PLCH1: variants seen among roughly 807,000 people sequenced by gnomAD.
PLCH1 encodes 1-phosphatidylinositol 4,5-bisphosphate phosphodiesterase eta-1.
PLCH1 carries 60 observed loss-of-function variants against 126.7 expected under a neutral mutation model. That is an observed-to-expected ratio of 0.47 (90% CI 0.38 to 0.59). The LOEUF (loss-of-function observed/expected upper bound fraction) is 0.59, where lower values mean the gene tolerates loss of function less well. Ranked by LOEUF, PLCH1 falls within the 20% of genes least tolerant of loss-of-function variation. The pLI is 0.00. For synonymous variants in PLCH1, 719 were observed against 734.9 expected, an observed-to-expected ratio of 0.98 and a Z score of 0.35; for missense variants, 1,723 against 2,040.0, an observed-to-expected ratio of 0.84 and a Z score of 2.99.
At chr3:155,554,261 A>T in intron 8 of PLCH1, 65 bp from the exon 9 acceptor site, 1 of 1,493,834 alleles carries the variant, frequency 6.7e-7, no homozygotes, top group Non-Finnish European at 9.2e-7. Flanking sequence ...ATTTCTGGAA[A>T]TACCAGACAC....
intron 21 of PLCH1, among the ~76,000 whole-genome samples, chr3:155,464,190 G>C (rs1712841909): frequency 6.6e-6 from 1 of 152,232 alleles, no homozygotes; most frequent in Admixed American, 6.5e-5. Context: ...CCTAGGGAAA[G>C]AGATCTTCCA....
intron 2 of PLCH1, among the ~76,000 whole-genome samples, chr3:155,643,598 G>A (rs1389248669): frequency 1.3e-5 from 2 of 152,090 alleles, no homozygotes; most frequent in Admixed American, 6.5e-5. Flanking sequence ...CCTTGATATC[G>A]TAACATAGTT....
At chr3:155,591,382 C>T (rs1186981826) in intron 4 of PLCH1, among the ~76,000 whole-genome samples, 1 of 152,122 alleles carries the variant, frequency 6.6e-6, no homozygotes, top group Non-Finnish European at 1.5e-5. Context: ...TCCTGGAGGT[C>T]CCCATAAACA....
chr3:155,606,452 C>A (rs1288136756), intron 2 of PLCH1, among the ~76,000 whole-genome samples: 1 of 152,180 alleles, frequency 6.6e-6, no homozygotes, highest in Non-Finnish European at 1.5e-5. Flanking sequence ...AATAACTCCA[C>A]ATTATGAGGA....
intron 1 of PLCH1, among the ~76,000 whole-genome samples, chr3:155,720,749 CT>C (rs1211730602): frequency 6.6e-6 from 1 of 151,978 alleles, no homozygotes; most frequent in Non-Finnish European, 1.5e-5. Flanking sequence ...ATTTATATTT[CT>C]TTTTGTTGCA....
chr3:155,509,178 T>C (rs1242614057), intron 12 of PLCH1, among the ~76,000 whole-genome samples: 1 of 139,434 alleles, frequency 7.2e-6, no homozygotes, highest in Non-Finnish European at 1.5e-5. Flanking sequence ...GTAGTTTGCA[T>C]TTCTGTGCGA....
At chr3:155,741,636 A>AATACTCTAT (rs149610597) in intron 1 of PLCH1, among the ~76,000 whole-genome samples, 23,406 of 148,670 alleles carry the variant, frequency 0.16, 2,542 homozygotes, top group African/African-American at 0.31. Context: ...TAAATGTTTA[A>AATACTCTAT]ATACTCTATT....
intron 10 of PLCH1, among the ~76,000 whole-genome samples, chr3:155,537,201 C>CAAAAAAAAAAAAAAAAAAAAAA (rs1560128167): frequency 2.3e-5 from 3 of 132,114 alleles, no homozygotes; most frequent in African/African-American, 8.9e-5. Flanking sequence ...AAAAAAAAAA[C>CAAAAAAAAAAAAAAAAAAAAAA]CAAAAAAAAA....
Position 155,485,349 on chromosome 3 carries a change from A to T in PLCH1, c.2974+7T>A. 6.3e-7 allele frequency: 1 copy of T among 1,576,470 alleles called. No homozygotes were observed. The highest frequency in any genetic ancestry group is 8.7e-7 in the Non-Finnish European group (1 of 1,148,762). On this transcript the variant is annotated splice_region_variant and intron_variant, in intron 22 of 22. Transcript: ENST00000460012. The stretch of plus-strand genomic sequence containing the variant: ...GTTTATTCTCAGAGAAACTTAAAGC[A>T]TCTTACCTAGAGAGTTTTCTTTTCC...
chr3:155,469,684 G>A (rs2107981090), intron 21 of PLCH1, among the ~76,000 whole-genome samples: 1 of 151,902 alleles, frequency 6.6e-6, no homozygotes, highest in Admixed American at 6.5e-5. Flanking sequence ...CTGTCTGACA[G>A]CTTTGAAGAG....
chr3:155,612,015 C>T (rs1735156430), intron 2 of PLCH1, among the ~76,000 whole-genome samples: 1 of 152,004 alleles, frequency 6.6e-6, no homozygotes, highest in Non-Finnish European at 1.5e-5. Flanking sequence ...ACAGTAAAAG[C>T]AGTGTTAAGA....
At chr3:155,559,076 C>T (rs1727221067) in intron 8 of PLCH1, among the ~76,000 whole-genome samples, 1 of 152,190 alleles carries the variant, frequency 6.6e-6, no homozygotes, top group Non-Finnish European at 1.5e-5. Flanking sequence ...ACATGACAGC[C>T]TCATTCAATT....
intron 14 of PLCH1, among the ~76,000 whole-genome samples, chr3:155,499,746 T>C (rs1171158354): frequency 6.6e-6 from 1 of 152,232 alleles, no homozygotes; most frequent in Non-Finnish European, 1.5e-5. Flanking sequence ...CAAACTTACA[T>C]ATGACAACAG....
Position 155,581,749 on chromosome 3 carries a change from C to CTTTT in PLCH1, c.771+1719_771+1722dup, listed in dbSNP as rs55649426. Among the ~76,000 whole-genome samples, 576 of 141,536 alleles carry CTTTT rather than the reference C, an allele frequency of 4.1e-3. 1 individual carries two copies. Among genetic ancestry groups the CTTTT allele is most frequent in the Admixed American group, 6.7e-3 (94 of 14,104 alleles). 92.9% of individuals were successfully genotyped at this position (141,536 alleles called of 152,430 possible). A position where few individuals can be genotyped will look rare whatever the true frequency, so the allele number is the denominator to read the frequency against. On this transcript the variant is annotated intron_variant, in intron 6 of 22. Transcript: ENST00000460012. ...GTTATAGTTGCACAACTCTTTTTTCCTTTTTTTTTTTTTTGAGACGGAGTT... is the reference window on the plus strand; with the variant it reads ...GTTATAGTTGCACAACTCTTTTTTCCTTTTTTTTTTTTTTTTTTGAGACGGAGTT...
chr3:155,541,535 A>C (rs1272402031), intron 10 of PLCH1, among the ~76,000 whole-genome samples: 1 of 152,134 alleles, frequency 6.6e-6, no homozygotes, highest in East Asian at 1.9e-4. Flanking sequence ...AGAGATGGGG[A>C]ATCAGGTGGT....
At chr3:155,486,770 C>T (rs1267097438) in intron 21 of PLCH1, among the ~76,000 whole-genome samples, 9 of 151,696 alleles carry the variant, frequency 5.9e-5, no homozygotes, top group Admixed American at 1.3e-4. Context: ...ATGATCCACC[C>T]GCCTCGGCCT....
At chr3:155,553,963 A>G (rs1232517809) in intron 9 of PLCH1, 113 bp downstream of exon 9, 1 of 904,136 alleles carries the variant, frequency 1.1e-6, no homozygotes, top group Non-Finnish European at 1.6e-6. Flanking sequence ...CTAGTCTAGC[A>G]AAGAGGGCAG....
At chr3:155,584,650 G>A (rs567521989) in intron 5 of PLCH1, among the ~76,000 whole-genome samples, 2 of 152,268 alleles carry the variant, frequency 1.3e-5, no homozygotes, top group African/African-American at 4.8e-5. Context: ...GGAATGAACG[G>A]CATTTTGAAA....
intron 4 of PLCH1, among the ~76,000 whole-genome samples, chr3:155,592,222 C>T (rs553343214): frequency 1.5e-4 from 22 of 147,314 alleles, no homozygotes; most frequent in Non-Finnish European, 2.2e-4. Context: ...TGGTGGCTTA[C>T]GCCTGTAATC....
Sources: gnomAD v4.1 joint callset for allele counts (sites outside exome capture counted in the v4.1 genomes callset) on GRCh38, gnomAD v4.1.1 for gene constraint, MANE v1.5 for transcripts, NCBI Gene and HGNC (gene_info 2026-07-23, HGNC 2026-07-21) for gene names.